The following SP100 variants were observed in gnomAD, a reference collection of about 807,000 sequenced individuals.
The protein encoded by SP100 is nuclear autoantigen Sp-100.
A neutral mutation model predicts 130.0 loss-of-function variants in SP100; 84 were observed. The ratio of observed to expected loss-of-function variants is 0.65; its 90% CI spans 0.54 to 0.77. The LOEUF (loss-of-function observed/expected upper bound fraction) is 0.77. Among genes scored for constraint, SP100 ranks in the 30% least tolerant of loss-of-function variants. The pLI is 0.00. For synonymous variants in SP100, 331 were observed against 351.7 expected (o/e 0.94, Z 0.66); for missense variants, 978 against 1,052.2 (o/e 0.93, Z 0.97).
chr2:230,522,108 C>G (rs576859514), intron 24 of SP100, among the ~76,000 whole-genome samples: 1 of 151,992 alleles, frequency 6.6e-6, no homozygotes, highest in East Asian at 1.9e-4. Context: ...TGGCTCCTAT[C>G]GATTTGGGAA....
chr2:230,539,956 A>G (rs952353536), intron 25 of SP100, among the ~76,000 whole-genome samples: 1 of 152,134 alleles, frequency 6.6e-6, no homozygotes, highest in Non-Finnish European at 1.5e-5. Flanking sequence ...GGCTGAGAGG[A>G]TGATCTCTAC....
intron 17 of SP100, among the ~76,000 whole-genome samples, chr2:230,493,156 G>T (rs190627284): frequency 3.0e-4 from 46 of 151,974 alleles, no homozygotes; most frequent in African/African-American, 1.1e-3. Flanking sequence ...CTATTATTTT[G>T]ATTTTCTTCT....
rs866116988 is a variant in SP100, at chr2:230,466,648, A to G, written c.1195+294A>G. Among the ~76,000 whole-genome samples the G allele has an allele frequency of 3.3e-5, 5 of 152,204 alleles. No homozygotes were observed. The South Asian group carries it at 8.3e-4, about 25-fold the overall frequency. On this transcript the variant is annotated intron_variant, in intron 12 of 28. Transcript: ENST00000340126. ...TCAACTGAATATTTCAAGGATTTTT[A>G]GATGAGGGAAAGGTTGGGCTCTGTT...
Position 230,498,589 on chromosome 2 carries a change from TAGTA to T in SP100, c.1720+57_1720+60del, listed in dbSNP as rs769056689. 6.0e-4 allele frequency: 608 copies of T among 1,007,634 alleles called. 2 individuals are homozygous for T. Among genetic ancestry groups the T allele is most frequent in the Non-Finnish European group, 7.7e-4 (561 of 733,116 alleles). 62.4% of individuals were successfully genotyped at this position (1,007,634 alleles called of 1,614,324 possible). On this transcript the variant is annotated intron_variant, in intron 19 of 28. Coordinates refer to ENST00000340126, the MANE Select transcript of SP100 (RefSeq NM_001080391.2). Reference sequence around the variant, plus strand: ...AATAACGTCTAAATTCTCATGCTCTTAGTAAGAAACATTTTTTTCCTAAATGCTT... The same window carrying T: ...AATAACGTCTAAATTCTCATGCTCTTAGAAACATTTTTTTCCTAAATGCTT...
rs555748554 is a variant in SP100 at position 230,498,825 on chromosome 2, A to C, written c.1720+290A>C. ...AAATAGTTGCTGGCATAAAAACAAAAACAAAACAAACAAAACCTATGTAAT... is the reference window on the plus strand; with the variant it reads ...AAATAGTTGCTGGCATAAAAACAAACACAAAACAAACAAAACCTATGTAAT... On this transcript the variant is annotated intron_variant, in intron 19 of 28. Transcript: ENST00000340126. 2.0e-5 allele frequency among the ~76,000 whole-genome samples: 3 copies of C among 152,324 alleles called. No homozygotes were observed. The South Asian group carries it at 6.2e-4, about 32-fold the overall frequency.
intron 24 of SP100, chr2:230,538,744 C>T (rs1287468545): frequency 6.5e-6 from 1 of 153,624 alleles, no homozygotes; most frequent in Non-Finnish European, 1.4e-5. Flanking sequence ...TTTTTCCATC[C>T]CAGAGGTACT....
At chr2:230,466,911 C>T (rs1376927716) in intron 12 of SP100, among the ~76,000 whole-genome samples, 1 of 152,220 alleles carries the variant, frequency 6.6e-6, no homozygotes, top group Non-Finnish European at 1.5e-5. Context: ...GCCTCAGGCT[C>T]AGGTGACAGT....
chr2:230,527,750 C>CA (rs549350107), intron 24 of SP100, among the ~76,000 whole-genome samples: 23 of 151,110 alleles, frequency 1.5e-4, no homozygotes, highest in Non-Finnish European at 2.5e-4. Flanking sequence ...AAATGGAAAG[C>CA]AAAAAAAAGC....
chr2:230,424,712 T>C (rs189103167), intron 2 of SP100, among the ~76,000 whole-genome samples: 2,073 of 151,862 alleles, frequency 0.014, 15 homozygotes, highest in Non-Finnish European at 0.021. Flanking sequence ...GAAGGGATTT[T>C]CTGGGTAATG....
At chr2:230,541,416 A>T (rs1390746723) in intron 27 of SP100, 44 bp downstream of exon 27, 2 of 1,503,602 alleles carry the variant, frequency 1.3e-6, no homozygotes, top group Admixed American at 1.7e-5. Context: ...GCATTTGTCA[A>T]ATCTGTGATC....
Position 230,453,479 on chromosome 2 carries a change from T to C in SP100, c.820+3224T>C, listed in dbSNP as rs116204521. 6.3e-3 allele frequency among the ~76,000 whole-genome samples: 954 copies of C among 152,336 alleles called. 6 individuals are homozygous for C. The highest frequency in any genetic ancestry group is 0.021 in the African/African-American group (870 of 41,580). The stretch of plus-strand genomic sequence containing the variant: ...ATGTATGGCCACTATTGTCCTGAGA[T>C]ACATTTCTTCTATATCTATTTTGCT... On this transcript the variant is annotated intron_variant, in intron 8 of 28. Transcript: ENST00000340126.
intron 6 of SP100, 45 bp downstream of exon 6, chr2:230,449,195 C>G: frequency 2.5e-6 from 4 of 1,605,062 alleles, no homozygotes; most frequent in Non-Finnish European, 3.4e-6. Flanking sequence ...TATTCTTGCC[C>G]CTTTCTGGAA....
At chr2:230,440,447 TAATTA>T (rs1264218583) in intron 2 of SP100, 3 of 806,878 alleles carry the variant, frequency 3.7e-6, no homozygotes, top group East Asian at 3.9e-5. Flanking sequence ...TTTTTAAATT[TAATTA>T]AATTAAATTT....
chr2:230,446,887 C>T lies in SP100; in HGVS notation c.508C>T (p.Leu170=). Residue 170 remains leucine, a synonymous_variant, in exon 5 of 29, where the codon CTA becomes TTA. Transcript: ENST00000340126. The part of the protein sequence containing the change: ...EEREERSGLQ[L]SLEQGTGENS... ...GAGGGAGGAGAGGTCTGGCCTCCAA[C>T]TAAGTCTTGAACAAGGTAAAAATGA... 6.2e-7 allele frequency: 1 copy of T among 1,608,412 alleles called. No individual in the cohort carries two copies.
chr2:230,469,348 G>T (rs1200855933), intron 14 of SP100: 2 of 518,168 alleles, frequency 3.9e-6, no homozygotes, highest in Admixed American at 5.2e-5. Context: ...CTGAGTAGAG[G>T]GGGTGCCCAC....
intron 13 of SP100, among the ~76,000 whole-genome samples, chr2:230,467,762 C>T (rs901560293): frequency 9.8e-5 from 15 of 152,350 alleles, no homozygotes; most frequent in African/African-American, 3.4e-4. Flanking sequence ...GGTGAGGACA[C>T]AGCCAAACCA....
At chr2:230,522,953 T>A (rs747172233) in intron 24 of SP100, among the ~76,000 whole-genome samples, 12 of 152,032 alleles carry the variant, frequency 7.9e-5, no homozygotes, top group Non-Finnish European at 1.3e-4. Flanking sequence ...TAGCTAGGAT[T>A]ACAGGCACCC....
chr2:230,515,384 C>G, intron 24 of SP100: 2 of 1,613,846 alleles, frequency 1.2e-6, no homozygotes, highest in Non-Finnish European at 1.7e-6. Flanking sequence ...CCTGGCCTGT[C>G]CATTGATGAT....
chr2:230,423,492 T>C (rs1414025181), intron 2 of SP100, among the ~76,000 whole-genome samples: 1 of 152,120 alleles, frequency 6.6e-6, no homozygotes, highest in East Asian at 1.9e-4. Flanking sequence ...TTTAATTAAA[T>C]CTTGATTTTC....
Sources: allele counts gnomAD v4.1 joint callset (sites outside exome capture counted in the v4.1 genomes callset), GRCh38; gene constraint gnomAD v4.1.1; transcripts MANE v1.5; gene names NCBI Gene and HGNC (gene_info 2026-07-23, HGNC 2026-07-21).